DGKB: variants seen among roughly 807,000 people sequenced by gnomAD.
DGKB encodes 90 kDa diacylglycerol kinase.
In DGKB, 67 loss-of-function variants were observed where a neutral mutation model predicts 114.3. That is an observed-to-expected ratio of 0.59 (90% confidence interval 0.48 to 0.72). DGKB has a LOEUF of 0.72. DGKB is among the 30% of genes least tolerant of loss of function. DGKB has a pLI of 0.00. For missense variants in DGKB, 907 were observed against 975.2 expected (o/e 0.93, Z 0.93); for synonymous variants, 398 against 323.1 (o/e 1.23, Z -2.49).
At chr7:14,689,461 G>A (rs1822427827) in intron 9 of DGKB, among the ~76,000 whole-genome samples, 1 of 152,024 alleles carries the variant, frequency 6.6e-6, no homozygotes, top group Non-Finnish European at 1.5e-5. Flanking sequence ...GTGAGCCACC[G>A]CGCCCGGCCG....
chr7:14,652,708 C>A (rs930495017), intron 13 of DGKB, among the ~76,000 whole-genome samples: 5 of 150,314 alleles, frequency 3.3e-5, no homozygotes, highest in Admixed American at 6.7e-5. Flanking sequence ...TCAGAGTGAA[C>A]AGGCAACCTA....
chr7:14,801,925 T>TACACACACACACAC (rs142456381), intron 2 of DGKB, among the ~76,000 whole-genome samples: 3 of 147,958 alleles, frequency 2.0e-5, no homozygotes, highest in Non-Finnish European at 4.5e-5. Context: ...TATATACATA[T>TACACACACACACAC]ACACACACAC....
intron 1 of DGKB, among the ~76,000 whole-genome samples, chr7:14,952,745 C>T (rs531880746): frequency 4.6e-5 from 7 of 151,840 alleles, no homozygotes; most frequent in Non-Finnish European, 1.0e-4. Context: ...GGTGACAAAG[C>T]GAGACTCTGT....
At chr7:14,682,299 A>G (rs1013779730) in intron 12 of DGKB, among the ~76,000 whole-genome samples, 1 of 152,028 alleles carries the variant, frequency 6.6e-6, no homozygotes, top group Non-Finnish European at 1.5e-5. Flanking sequence ...CTAACACTCC[A>G]TGGAACACAG....
At chr7:14,370,507 A>G (rs1817459371) in intron 21 of DGKB, among the ~76,000 whole-genome samples, 1 of 152,160 alleles carries the variant, frequency 6.6e-6, no homozygotes, top group South Asian at 2.1e-4. Flanking sequence ...TCTATAAATT[A>G]CTTTGGGCAG....
intron 2 of DGKB, among the ~76,000 whole-genome samples, chr7:14,810,807 C>A (rs1350893678): frequency 6.6e-6 from 1 of 152,132 alleles, no homozygotes. Context: ...TGCTGTTTCG[C>A]CATGTTGGCC....
chr7:14,594,094 GA>G (rs1163191915), intron 17 of DGKB, among the ~76,000 whole-genome samples: 21 of 152,148 alleles, frequency 1.4e-4, no homozygotes, highest in Admixed American at 1.0e-3. Flanking sequence ...ATAAGCCAAT[GA>G]GATCTTTAAA....
At chr7:14,289,935 C>T (rs964054569) in intron 23 of DGKB, among the ~76,000 whole-genome samples, 2 of 152,166 alleles carry the variant, frequency 1.3e-5, no homozygotes, top group African/African-American at 2.4e-5. Flanking sequence ...ATGCTTGTTA[C>T]TTCAGGTGGT....
chr7:14,325,623 C>A (rs1808579485), intron 23 of DGKB, among the ~76,000 whole-genome samples: 2 of 152,138 alleles, frequency 1.3e-5, no homozygotes, highest in Non-Finnish European at 2.9e-5. Flanking sequence ...ACCAGAAAAG[C>A]AATCAGAACC....
intron 5 of DGKB, among the ~76,000 whole-genome samples, chr7:14,731,226 A>T (rs1235629654): frequency 6.6e-6 from 1 of 152,194 alleles, no homozygotes; most frequent in Non-Finnish European, 1.5e-5. Flanking sequence ...CTAATTAATG[A>T]ACTTTCAAAC....
At chr7:14,300,396 C>A (rs1803322416) in intron 23 of DGKB, among the ~76,000 whole-genome samples, 2 of 152,024 alleles carry the variant, frequency 1.3e-5, no homozygotes, top group African/African-American at 2.4e-5. Flanking sequence ...CTGGAACAAC[C>A]AGACTTTTCT....
At chr7:14,499,456 TATC>T in intron 20 of DGKB, among the ~76,000 whole-genome samples, 1 of 151,778 alleles carries the variant, frequency 6.6e-6, no homozygotes, top group Non-Finnish European at 1.5e-5. Context: ...CATTATTGGC[TATC>T]ACCCCCGAAA....
intron 20 of DGKB, among the ~76,000 whole-genome samples, chr7:14,486,912 A>G (rs1394013619): frequency 6.6e-6 from 1 of 152,240 alleles, no homozygotes; most frequent in Non-Finnish European, 1.5e-5. Flanking sequence ...ATTTACATTT[A>G]AACTTCAACA....
At chr7:14,666,738 A>G (rs1430482963) in intron 13 of DGKB, among the ~76,000 whole-genome samples, 1 of 151,998 alleles carries the variant, frequency 6.6e-6, no homozygotes, top group African/African-American at 2.4e-5. Flanking sequence ...ATATGGCAGT[A>G]AATGAACTAT....
intron 21 of DGKB, among the ~76,000 whole-genome samples, chr7:14,370,914 G>T (rs12539374): frequency 0.086 from 13,065 of 152,182 alleles, 751 homozygotes; most frequent in Non-Finnish European, 0.12. Context: ...AGAACATGTG[G>T]TATTTGGTTT....
At chr7:14,280,457 T>C in intron 23 of DGKB, among the ~76,000 whole-genome samples, 1 of 151,486 alleles carries the variant, frequency 6.6e-6, no homozygotes, top group Non-Finnish European at 1.5e-5. Context: ...TCCAGGAGAA[T>C]TTCCCCAATC....
rs542280544 is a variant in DGKB, at chr7:14,592,034, G to A, written c.1434-8897C>T. Among the ~76,000 whole-genome samples the A allele has an allele frequency of 2.5e-3, 376 of 151,302 alleles. 1 individual carries two copies. Among genetic ancestry groups the A allele is most frequent in the South Asian group, 7.3e-3 (35 of 4,796 alleles). On this transcript the variant is annotated intron_variant, in intron 17 of 25. Coordinates refer to ENST00000402815, the MANE Select transcript of DGKB (RefSeq NM_001350709.2). Reference sequence around the variant, plus strand: ...TATTTTATTATTAAAAAATACTATCGCTTACATACAATGTGGCTGTATGGG... The same window carrying A: ...TATTTTATTATTAAAAAATACTATCACTTACATACAATGTGGCTGTATGGG...
rs181212351 is a variant in DGKB at position 14,670,321 on chromosome 7, G to C, written c.1134+2608C>G. 6.9e-4 allele frequency among the ~76,000 whole-genome samples: 100 copies of C among 145,958 alleles called. 1 individual carries two copies. The East Asian group carries it at 0.017, about 25-fold the overall frequency. On this transcript the variant is annotated intron_variant, in intron 13 of 25. Coordinates refer to ENST00000402815, the MANE Select transcript of DGKB (RefSeq NM_001350709.2). ...TATATACACACACACATTTTTTTTT[G>C]AGACAGAGTCTCACTCTGTCACTCA...
intron 20 of DGKB, among the ~76,000 whole-genome samples, chr7:14,483,127 C>T (rs1316249086): frequency 6.7e-6 from 1 of 149,502 alleles, no homozygotes; most frequent in Admixed American, 6.6e-5. Context: ...CTCAATGGTG[C>T]CCCCCAAAAA....
Sources: gnomAD v4.1 joint callset for allele counts (sites outside exome capture counted in the v4.1 genomes callset) on GRCh38, gnomAD v4.1.1 for gene constraint, MANE v1.5 for transcripts, NCBI Gene and HGNC (gene_info 2026-07-23, HGNC 2026-07-21) for gene names.